AGO1: variants seen among roughly 807,000 people sequenced by gnomAD.
AGO1 encodes protein argonaute-1.
A neutral mutation model predicts 109.2 loss-of-function variants in AGO1; 11 were observed. That is an observed-to-expected ratio of 0.10 (90% confidence interval 0.06 to 0.17). AGO1 has a LOEUF of 0.17. Among genes scored for constraint, AGO1 ranks in the 10% least tolerant of loss-of-function variants. The probability of loss-of-function intolerance (pLI) is 1.00; values close to 1 mark genes in which losing one functional copy is unlikely to be tolerated. For missense variants in AGO1, 574 were observed against 1,140.3 expected, an observed-to-expected ratio of 0.50 and a Z score of 7.15; for synonymous variants, 422 against 418.6, an observed-to-expected ratio of 1.01 and a Z score of -0.10.
rs201304410 is a variant in AGO1 at position 35,884,287 on chromosome 1, A to AGACTGGGACCGAAGCGATGGG, written c.25+842_25+862dup. 6.0e-3 allele frequency among the ~76,000 whole-genome samples: 913 copies of AGACTGGGACCGAAGCGATGGG among 152,214 alleles called. 13 individuals carry two copies. Among genetic ancestry groups the AGACTGGGACCGAAGCGATGGG allele is most frequent in the African/African-American group, 0.021 (868 of 41,490 alleles). ...AAAGTGCATTTTTCTGCCACAGGAA[A>AGACTGGGACCGAAGCGATGGG]GACTGGGACCGAAGCGATGGGTTCT... On this transcript the variant is annotated intron_variant, in intron 1 of 18. Coordinates refer to ENST00000373204, the MANE Select transcript of AGO1 (RefSeq NM_012199.5).
Position 35,894,149 on chromosome 1 carries a change from T to A in AGO1, c.762T>A (p.Val254=). 1 of 1,578,142 alleles carries A rather than the reference T, an allele frequency of 6.3e-7. No homozygotes were observed. Among genetic ancestry groups the A allele is most frequent in the Non-Finnish European group, 8.6e-7 (1 of 1,162,650 alleles). The change falls in exon 6 of 19, where the codon GTT becomes GTA. Residue 254 remains valine (V), a synonymous_variant. Transcript: ENST00000373204. ...AGCCCCTCACGGACTCTCAGCGCGTTCGCTTCACCAAGGAGATCAAGGGTG... is the reference window on the plus strand; with the variant it reads ...AGCCCCTCACGGACTCTCAGCGCGTACGCTTCACCAAGGAGATCAAGGGTG... ...QPKPLTDSQR[V]RFTKEIKGLK...
chr1:35,912,805 CT>C (rs1464235410), intron 12 of AGO1, among the ~76,000 whole-genome samples: 1 of 152,136 alleles, frequency 6.6e-6, no homozygotes, highest in African/African-American at 2.4e-5. Flanking sequence ...AACTCCTGAC[CT>C]CGTGATCCAC....
At chr1:35,879,178 G>A (rs1043144874), upstream of AGO1, among the ~76,000 whole-genome samples, 8 of 152,198 alleles carry the variant, frequency 5.3e-5, no homozygotes, top group South Asian at 2.1e-4. Flanking sequence ...GGCTGAGCAC[G>A]GTGGCTTATG....
chr1:35,913,019 T>C (rs1179407737), intron 12 of AGO1, among the ~76,000 whole-genome samples: 1 of 145,986 alleles, frequency 6.8e-6, no homozygotes, highest in Admixed American at 6.8e-5. Context: ...CTCACCCATC[T>C]TTTTTTTTTT....
intron 1 of AGO1, among the ~76,000 whole-genome samples, chr1:35,877,189 T>A (rs571117579): frequency 2.0e-5 from 3 of 152,276 alleles, no homozygotes; most frequent in Admixed American, 6.5e-5. Context: ...GGACAGCTCC[T>A]CCTGTCACCT....
chr1:35,897,892 A>G (rs1057251555), intron 8 of AGO1, among the ~76,000 whole-genome samples: 4 of 152,224 alleles, frequency 2.6e-5, no homozygotes, highest in South Asian at 2.1e-4. Context: ...GCCTGTATTC[A>G]TTAGCAGTTA....
At chr1:35,912,578 T>A (rs1254062311) in intron 12 of AGO1, among the ~76,000 whole-genome samples, 2 of 152,026 alleles carry the variant, frequency 1.3e-5, no homozygotes, top group South Asian at 2.1e-4. Context: ...TTTATTTTTT[T>A]ATTTATTTTT....
At position 35,902,236 on chromosome 1, in the gene AGO1, C is replaced by G. The variant is rs763034859; in HGVS notation, c.1296C>G (p.Val432=). 1.9e-6 allele frequency: 3 copies of G among 1,614,120 alleles called. No individual in the cohort carries two copies. The African/African-American group carries it at 4.0e-5, about 22-fold the overall frequency. Residue 432 remains valine (V), a synonymous_variant, in exon 11 of 19, where the codon GTC becomes GTG. Transcript: ENST00000373204. Reference sequence around the variant, plus strand: ...CCATTGCCACACCCAATCAGGGTGTCTGGGACATGCGGGGGAAACAGTTCT... The same window carrying G: ...CCATTGCCACACCCAATCAGGGTGTGTGGGACATGCGGGGGAAACAGTTCT... The part of the protein sequence containing the change: ...NRAIATPNQG[V]WDMRGKQFYN...
At chr1:35,918,093 A>G (rs1043056235) in intron 16 of AGO1, among the ~76,000 whole-genome samples, 3 of 152,178 alleles carry the variant, frequency 2.0e-5, no homozygotes, top group African/African-American at 7.2e-5. Flanking sequence ...ATTATCTCCA[A>G]TTTAACCTCA....
intron 2 of AGO1, among the ~76,000 whole-genome samples, chr1:35,889,785 G>T (rs1645184526): frequency 6.6e-6 from 1 of 151,938 alleles, no homozygotes; most frequent in South Asian, 2.1e-4. Context: ...TCGTGCCTCT[G>T]CCTCCCGAGT....
At chr1:35,877,782 C>T (rs1323420633) in intron 1 of AGO1, among the ~76,000 whole-genome samples, 1 of 151,702 alleles carries the variant, frequency 6.6e-6, no homozygotes, top group African/African-American at 2.4e-5. Context: ...CAACCTCTGC[C>T]CCCTGAGTTC....
chr1:35,892,240 C>G (rs774790411), intron 2 of AGO1, among the ~76,000 whole-genome samples: 26 of 152,166 alleles, frequency 1.7e-4, no homozygotes, highest in Non-Finnish European at 3.1e-4. Context: ...TTAGCCTCCC[C>G]CTCTTCTCAG....
chr1:35,886,945 T>G (rs1011113494), intron 1 of AGO1, among the ~76,000 whole-genome samples: 4 of 152,078 alleles, frequency 2.6e-5, no homozygotes, highest in African/African-American at 9.7e-5. Context: ...ATTGCCAAGG[T>G]CTAAGTGTGT....
chr1:35,893,032 G>A lies in AGO1; in HGVS notation c.331-65G>A. On this transcript the variant is annotated intron_variant, in intron 3 of 18. Transcript: ENST00000373204. This position sits in a 1 kb window ranked among gnomAD's most constrained non-coding sequence, Gnocchi z 5.6. ...AAAAACATGTTCTCAGCAAATCCAT[G>A]GAGTTGGGGGTCATTCTCGCAGAGC... 4 of 1,454,144 alleles carry A rather than the reference G, an allele frequency of 2.8e-6. No homozygotes were observed. The South Asian group carries it at 5.0e-5, about 18-fold the overall frequency. 90.1% of individuals were successfully genotyped at this position (1,454,144 alleles called of 1,614,324 possible).
At chr1:35,891,874 T>C (rs1645225945) in intron 2 of AGO1, among the ~76,000 whole-genome samples, 1 of 152,014 alleles carries the variant, frequency 6.6e-6, no homozygotes, top group Non-Finnish European at 1.5e-5. Flanking sequence ...CATCCTTTTT[T>C]TTTGTTTTTT....
At chr1:35,909,459 T>G (rs1466743554) in intron 12 of AGO1, among the ~76,000 whole-genome samples, 1 of 152,238 alleles carries the variant, frequency 6.6e-6, no homozygotes, top group Non-Finnish European at 1.5e-5. Context: ...TGCTCATTTC[T>G]TGTCTGTGGT....
chr1:35,903,869 A>T (rs960813121), intron 11 of AGO1, among the ~76,000 whole-genome samples: 1 of 151,842 alleles, frequency 6.6e-6, no homozygotes, highest in Non-Finnish European at 1.5e-5. Flanking sequence ...AGGCTAAGGC[A>T]GGAGAATCGC....
intron 7 of AGO1, among the ~76,000 whole-genome samples, chr1:35,894,854 A>G (rs1645290100): frequency 6.6e-6 from 1 of 152,212 alleles, no homozygotes; most frequent in African/African-American, 2.4e-5. Context: ...TAAATGAGTC[A>G]GATAGTGTCC....
Position 35,915,383 on chromosome 1 carries a change from C to T in AGO1, c.1869C>T (p.Tyr623=), listed in dbSNP as rs1455593427. 9 of 1,613,978 alleles carry T rather than the reference C, an allele frequency of 5.6e-6. No individual in the cohort carries two copies. Among genetic ancestry groups the T allele is most frequent in the Non-Finnish European group, 7.6e-6 (9 of 1,180,008 alleles). ...GTATGGATGCCCACCCCAGCCGATA[C>T]TGTGCTACTGTGCGGGTACAGCGAC... ...VGSMDAHPSR[Y]CATVRVQRPR... is the part of the protein sequence containing the mutation. The change falls in exon 15 of 19, where the codon TAC becomes TAT. Residue 623 remains tyrosine (Y), a synonymous_variant. Transcript: ENST00000373204.
Sources: gnomAD v4.1 joint callset for allele counts (sites outside exome capture counted in the v4.1 genomes callset) on GRCh38, gnomAD v4.1.1 for gene constraint, Gnocchi (gnomAD v3.1) non-coding constraint, MANE v1.5 for transcripts, NCBI Gene and HGNC (gene_info 2026-07-23, HGNC 2026-07-21) for gene names.